The following TASOR variants were observed in gnomAD, a reference collection of about 807,000 sequenced individuals.
The protein encoded by TASOR is transcription activation suppressor, also known as protein TASOR.
A neutral mutation model predicts 178.6 loss-of-function variants in TASOR; 53 were observed. That is an observed-to-expected ratio of 0.30 (90% CI 0.24 to 0.37). The LOEUF (loss-of-function observed/expected upper bound fraction) is 0.37. Among genes scored for constraint, TASOR ranks in the 10% least tolerant of loss-of-function variants. TASOR has a pLI of 1.00. For missense variants in TASOR, 1,815 were observed against 1,971.4 expected, an observed-to-expected ratio of 0.92 and a Z score of 1.50; for synonymous variants, 713 against 696.2, an observed-to-expected ratio of 1.02 and a Z score of -0.38.
In TASOR at chr3:56,662,272, T is replaced by C. The variant is rs1457498660; in HGVS notation, c.1160+113A>G. The C allele has an allele frequency of 5.5e-5, 36 of 656,620 alleles. No homozygotes were observed. In the East Asian group the frequency reaches 1.0e-3, roughly 19 times the overall value. The allele number at this position is 656,620 out of a possible 1,614,324, so 40.7% of individuals were successfully genotyped here. A position where few individuals can be genotyped will look rare whatever the true frequency, so the allele number is the denominator to read the frequency against. On this transcript the variant is annotated intron_variant, in intron 9 of 23. Transcript: ENST00000683822. ...CATTTAAAAAACAAACCAACATTTA[T>C]ATTGAAGTTCTTATGAACCAAAATA...
intron 13 of TASOR, 94 bp downstream of exon 13, chr3:56,648,728 A>G (rs937693709): frequency 1.3e-5 from 11 of 816,950 alleles, no homozygotes; most frequent in Non-Finnish European, 1.9e-5. Context: ...AACATGAGGT[A>G]AGAAAGACAA....
chr3:56,658,680 G>C (rs2077523786), intron 11 of TASOR, among the ~76,000 whole-genome samples: 1 of 152,202 alleles, frequency 6.6e-6, no homozygotes, highest in African/African-American at 2.4e-5. Context: ...GCCGAGGCGG[G>C]TGGATCACTT....
chr3:56,677,662 C>CT (rs1383752238), intron 1 of TASOR, among the ~76,000 whole-genome samples: 7 of 152,154 alleles, frequency 4.6e-5, no homozygotes, highest in African/African-American at 1.7e-4. Context: ...GGAAAAATGA[C>CT]TGTTTCCTCA....
chr3:56,623,676 A>C lies in TASOR; in HGVS notation c.4484-110T>G. ...AACGCGTCAGGGTCTGCAAGTCCAC[A>C]ATCCCTTAAAGCTTGGTCTTCTGCC... On this transcript the variant is annotated intron_variant, in intron 23 of 23. Transcript: ENST00000683822. 2.6e-6 allele frequency: 4 copies of C among 1,540,666 alleles called. No homozygotes were observed. In the South Asian group the frequency reaches 3.8e-5, roughly 15 times the overall value.
Position 56,646,807 on chromosome 3 carries a change from C to T in TASOR, c.1930G>A (p.Glu644Lys). Reference protein sequence around the residue: ...PLSDYEGQEEEMNGTKMKFGK... With the variant: ...PLSDYEGQEEKMNGTKMKFGK... ...AATTTCATTTTTGTACCATTCATTTCTTCTTCTTGACCTTCATAATCTGAA... is the reference window on the plus strand; with the variant it reads ...AATTTCATTTTTGTACCATTCATTTTTTCTTCTTGACCTTCATAATCTGAA... Residue 644 changes from glutamate to lysine, a missense_variant, in exon 14 of 24, where the codon GAA becomes AAA. Glu to Lys is a moderately conservative substitution (Grantham distance 56). Coordinates refer to ENST00000683822, the MANE Select transcript of TASOR (RefSeq NM_001365635.2). 1 of 1,613,298 alleles carries T rather than the reference C, an allele frequency of 6.2e-7. No individual in the cohort carries two copies. Among genetic ancestry groups the T allele is most frequent in the Non-Finnish European group, 8.5e-7 (1 of 1,179,812 alleles).
rs757889630 is a variant in TASOR at position 56,646,633 on chromosome 3, C to G, written c.2104G>C (p.Glu702Gln). 24 of 1,613,570 alleles carry G rather than the reference C, an allele frequency of 1.5e-5. No homozygotes were observed. Among genetic ancestry groups the G allele is most frequent in the Non-Finnish European group, 1.9e-5 (23 of 1,179,984 alleles). The part of the protein sequence containing the change: ...KKSVGGDSDT[E>Q]DMRSKTVLKR... ...AAGACAGTTTTGCTTCTCATATCTT[C>G]TGTGTCTGAGTCCCCACCCACACTC... The change falls in exon 14 of 24, where the codon GAA (glutamate) becomes CAA (glutamine). Residue 702 changes from glutamate to glutamine, a missense_variant. Physicochemically the swap from Glu to Gln is conservative, Grantham distance 29. Transcript: ENST00000683822.
chr3:56,644,987 G>A (rs1178833865), intron 14 of TASOR, among the ~76,000 whole-genome samples: 1 of 152,180 alleles, frequency 6.6e-6, no homozygotes, highest in East Asian at 1.9e-4. Flanking sequence ...AGTAAAAGGA[G>A]AGCAGGCTGA....
chr3:56,623,625 A>G, intron 23 of TASOR, 59 bp from the exon 24 acceptor site: 2 of 1,540,096 alleles, frequency 1.3e-6, no homozygotes, highest in Non-Finnish European at 1.7e-6. Flanking sequence ...TTTAAGTTTT[A>G]AAATTATACA....
At chr3:56,646,476 G>T in intron 14 of TASOR, 46 bp downstream of exon 14, 2 of 1,467,076 alleles carry the variant, frequency 1.4e-6, no homozygotes, top group South Asian at 1.3e-5. Context: ...AGAAAGAACA[G>T]AACTACTTTA....
chr3:56,673,698 G>A lies in TASOR; in HGVS notation c.359C>T (p.Ser120Phe). The A allele has an allele frequency of 1.3e-6, 2 of 1,548,922 alleles. No individual in the cohort carries two copies. The highest frequency in any genetic ancestry group is 2.0e-5 in the Admixed American group (1 of 50,512). The change falls in exon 2 of 24, where the codon TCT becomes TTT. Residue 120 changes from serine (S) to phenylalanine (F), a missense_variant. Physicochemically the swap from Ser to Phe is radical, Grantham distance 155. This residue lies in a region of TASOR where 244 missense variants were observed against 202.7 expected (regional missense o/e 1.20). Transcript: ENST00000683822. ...KALFQPLTPG[S>F]REFEDVVNIL... is the part of the protein sequence containing the mutation. ...ATTTACAACATCTTCAAATTCTCGAGAGCCTGGAGTTAATGGCTGGAAAAG... is the reference window on the plus strand; with the variant it reads ...ATTTACAACATCTTCAAATTCTCGAAAGCCTGGAGTTAATGGCTGGAAAAG...
chr3:56,627,331 TAAA>T (rs1282488284), intron 20 of TASOR, among the ~76,000 whole-genome samples, 186 bp from the exon 21 acceptor site: 1 of 152,084 alleles, frequency 6.6e-6, no homozygotes, highest in African/African-American at 2.4e-5. Flanking sequence ...CATCTACACA[TAAA>T]AAAGAACATG....
At chr3:56,654,973 A>T (rs2077439278) in intron 11 of TASOR, among the ~76,000 whole-genome samples, 1 of 152,212 alleles carries the variant, frequency 6.6e-6, no homozygotes, top group Non-Finnish European at 1.5e-5. Flanking sequence ...ATTCTTTACA[A>T]TAAATCTCTT....
chr3:56,633,964 T>C lies in TASOR; in HGVS notation c.2827A>G (p.Met943Val). ...GKHGEKQTPG[M>V]KSPEEQLVCV... ...ACCAGTTGTTCTTCTGGTGATTTCA[T>C]ACCTATACAGGAAGAGTTCATTATT... The change falls in exon 18 of 24, where the codon ATG becomes GTG. Residue 943 changes from methionine to valine, a missense_variant and splice_region_variant. Physicochemically the swap from Met to Val is conservative, Grantham distance 21. Coordinates refer to ENST00000683822, the MANE Select transcript of TASOR (RefSeq NM_001365635.2). 1.3e-6 allele frequency: 2 copies of C among 1,538,828 alleles called. No homozygotes were observed. Among genetic ancestry groups the C allele is most frequent in the Non-Finnish European group, 1.8e-6 (2 of 1,141,918 alleles).
chr3:56,649,481 C>G (rs941829542), intron 11 of TASOR, among the ~76,000 whole-genome samples: 2 of 152,200 alleles, frequency 1.3e-5, no homozygotes, highest in Non-Finnish European at 2.9e-5. Flanking sequence ...ATCACAAACC[C>G]AATGTGTTGC....
At chr3:56,680,480 G>C (rs2031688367) in intron 1 of TASOR, among the ~76,000 whole-genome samples, 1 of 152,106 alleles carries the variant, frequency 6.6e-6, no homozygotes, top group African/African-American at 2.4e-5. Context: ...AAATATTTAA[G>C]TCCTAATCTT....
chr3:56,682,684 T>G lies in TASOR; in HGVS notation c.323A>C (p.Glu108Ala), dbSNP rs1392378701. The change falls in exon 1 of 24, where the codon GAA becomes GCA. Residue 108 changes from glutamate to alanine, a missense_variant. Glu to Ala is a moderately radical substitution (Grantham distance 107). Around this residue, in one of 5 missense-constraint regions of TASOR, gnomAD observed 244 missense variants for 202.7 expected, o/e 1.20. Transcript: ENST00000683822. The part of the protein sequence containing the change: ...RSFQIPRKSR[E>A]KKALFQPLTP... Reference sequence around the variant, plus strand: ...AGAAGGGGAGGCACCACCTTTCTTTTCTCTGCTCTTCCTGGGGATCTGAAA... The same window carrying G: ...AGAAGGGGAGGCACCACCTTTCTTTGCTCTGCTCTTCCTGGGGATCTGAAA... 1 of 1,468,834 alleles carries G rather than the reference T, an allele frequency of 6.8e-7. No individual in the cohort carries two copies. Among genetic ancestry groups the G allele is most frequent in the East Asian group, 2.5e-5 (1 of 39,818 alleles). The allele number at this position is 1,468,834 out of a possible 1,614,324, so 91.0% of individuals were successfully genotyped here. A position where few individuals can be genotyped will look rare whatever the true frequency, so the allele number is the denominator to read the frequency against.
intron 11 of TASOR, among the ~76,000 whole-genome samples, chr3:56,659,100 C>T (rs951192531): frequency 6.6e-6 from 1 of 152,068 alleles, no homozygotes; most frequent in Admixed American, 6.6e-5. Context: ...ACTATCCCAT[C>T]TATAAACAAC....
chr3:56,641,330 C>T lies in TASOR; in HGVS notation c.2619+19G>A. 1 of 1,563,256 alleles carries T rather than the reference C, an allele frequency of 6.4e-7. No homozygotes were observed. The highest frequency in any genetic ancestry group is 2.3e-5 in the East Asian group (1 of 43,958). On this transcript the variant is annotated intron_variant, in intron 15 of 23. Coordinates refer to ENST00000683822, the MANE Select transcript of TASOR (RefSeq NM_001365635.2). ...CACACACTCACAAACACAAAGGTAACCAACAGCTATATGCTTACTTCTTTC... is the reference window on the plus strand; with the variant it reads ...CACACACTCACAAACACAAAGGTAATCAACAGCTATATGCTTACTTCTTTC...
intron 13 of TASOR, 148 bp downstream of exon 13, chr3:56,648,674 G>GTGTCTTAT: frequency 8.4e-6 from 2 of 239,292 alleles, no homozygotes; most frequent in Non-Finnish European, 1.8e-5. Flanking sequence ...CATATAATTT[G>GTGTCTTAT]TGTCTTATAT....
Sources: allele counts gnomAD v4.1 joint callset (sites outside exome capture counted in the v4.1 genomes callset), GRCh38; gene constraint gnomAD v4.1.1; regional missense constraint gnomAD v4.1.1; transcripts MANE v1.5; gene names NCBI Gene and HGNC (gene_info 2026-07-23, HGNC 2026-07-21).